CCDC50: variants seen among roughly 807,000 people sequenced by gnomAD.
CCDC50 encodes the protein coiled-coil domain containing 50.
Under a neutral mutation model 70.2 loss-of-function variants are expected in CCDC50, and 54 were observed. The observed-to-expected ratio is 0.77, with a 90% CI of 0.62 to 0.96. The LOEUF is 0.96. Ranked by LOEUF, CCDC50 falls within the 50% of genes least tolerant of loss-of-function variation. The probability of loss-of-function intolerance (pLI) is 0.00; values close to 1 mark genes in which losing one functional copy is unlikely to be tolerated. For missense variants in CCDC50, 558 were observed against 578.7 expected (o/e 0.96, Z 0.37); for synonymous variants, 216 against 198.8 (o/e 1.09, Z -0.73).
At chr3:191,360,863 G>A (rs958391243) in intron 3 of CCDC50, among the ~76,000 whole-genome samples, 1 of 152,132 alleles carries the variant, frequency 6.6e-6, no homozygotes, top group African/African-American at 2.4e-5. Context: ...TTGTGATCTT[G>A]AGAAAATGAT....
intron 6 of CCDC50, 103 bp downstream of exon 6, chr3:191,375,692 A>G (rs993423709): frequency 5.8e-6 from 7 of 1,197,490 alleles, no homozygotes; most frequent in African/African-American, 3.1e-5. Flanking sequence ...TCTCTAGTTC[A>G]TGCTCATGAC....
intron 1 of CCDC50, among the ~76,000 whole-genome samples, chr3:191,340,313 A>G (rs1019730509): frequency 1.3e-5 from 2 of 152,206 alleles, no homozygotes; most frequent in African/African-American, 4.8e-5. Flanking sequence ...ATATACTATC[A>G]TAAAGTCCTT....
rs562513795 is a variant in CCDC50 at position 191,380,658 on chromosome 3, T to C, written c.1093-29T>C. On this transcript the variant is annotated intron_variant, in intron 7 of 11. Transcript: ENST00000392455. ...TGCACAACATAGATTCCAATTAAAT[T>C]CTTTGTTTTTGTATTTTCGATATCA... is the stretch of plus-strand genomic sequence containing the variant. The C allele has an allele frequency of 3.7e-6, 6 of 1,603,260 alleles. No individual in the cohort carries two copies. The African/African-American group carries it at 8.0e-5, about 21-fold the overall frequency.
intron 9 of CCDC50, among the ~76,000 whole-genome samples, chr3:191,382,409 G>T (rs935789997): frequency 1.3e-5 from 2 of 152,128 alleles, no homozygotes; most frequent in Non-Finnish European, 2.9e-5. Flanking sequence ...TAGCTATTAT[G>T]TTAATAATCA....
chr3:191,343,487 T>A (rs1711804776), intron 1 of CCDC50, among the ~76,000 whole-genome samples: 2 of 152,248 alleles, frequency 1.3e-5, no homozygotes, highest in Admixed American at 6.5e-5. Flanking sequence ...TATGTTTAAT[T>A]ACGAAATTTT....
At chr3:191,334,679 C>G (rs942845761) in intron 1 of CCDC50, among the ~76,000 whole-genome samples, 2 of 152,196 alleles carry the variant, frequency 1.3e-5, no homozygotes, top group African/African-American at 4.8e-5. Flanking sequence ...TTTTACCTAC[C>G]TTCTCTTTTC....
Position 191,380,847 on chromosome 3 carries a change from T to A in CCDC50, c.1157T>A (p.Met386Lys), listed in dbSNP as rs775687066. The change falls in exon 9 of 12, where the codon ATG (methionine) becomes AAG (lysine). Residue 386 changes from methionine to lysine, a missense_variant. Coordinates refer to ENST00000392455, the MANE Select transcript of CCDC50 (RefSeq NM_178335.3). ...GTTTAGGAAATCGCTCGACTTCTAATGGCTGAAGAAAAGAAAGCTTACAAA... is the reference window on the plus strand; with the variant it reads ...GTTTAGGAAATCGCTCGACTTCTAAAGGCTGAAGAAAAGAAAGCTTACAAA... ...AQDEEIARLL[M>K]AEEKKAYKKA... The A allele has an allele frequency of 1.4e-5, 23 of 1,612,814 alleles. No individual in the cohort carries two copies. The highest frequency in any genetic ancestry group is 2.0e-5 in the Non-Finnish European group (23 of 1,179,240).
rs532273999 is a variant in CCDC50 at position 191,368,633 on chromosome 3, C to T, written c.331-1286C>T. The stretch of plus-strand genomic sequence containing the variant: ...GCCATCTGAGGGTATTCTTCATTCG[C>T]ACCTATTCATAAAATTTGAAGAATA... On this transcript the variant is annotated intron_variant, in intron 4 of 11. Coordinates refer to ENST00000392455, the MANE Select transcript of CCDC50 (RefSeq NM_178335.3). Among the ~76,000 whole-genome samples the T allele has an allele frequency of 8.2e-4, 124 of 152,094 alleles. 1 individual carries two copies. The East Asian group carries it at 0.021, about 26-fold the overall frequency.
chr3:191,391,069 T>A (rs1560174210), intron 11 of CCDC50, among the ~76,000 whole-genome samples: 1 of 152,178 alleles, frequency 6.6e-6, no homozygotes, highest in African/African-American at 2.4e-5. Flanking sequence ...TCATAAAAGA[T>A]TAAATATGTG....
intron 10 of CCDC50, among the ~76,000 whole-genome samples, chr3:191,385,659 A>G (rs533764220): frequency 1.2e-3 from 168 of 146,036 alleles, no homozygotes; most frequent in African/African-American, 4.0e-3. Flanking sequence ...ATTAAGTCCT[A>G]TTTGTCTGTT....
At chr3:191,341,835 C>T (rs573960137) in intron 1 of CCDC50, among the ~76,000 whole-genome samples, 4 of 152,308 alleles carry the variant, frequency 2.6e-5, no homozygotes, top group African/African-American at 7.2e-5. Context: ...ATTTTCTGGA[C>T]GTACTTTGAA....
At chr3:191,380,365 T>A in intron 7 of CCDC50, 91 bp downstream of exon 7, 1 of 836,030 alleles carries the variant, frequency 1.2e-6, no homozygotes. Flanking sequence ...AATAGTCCTC[T>A]ATCAATTGAG....
intron 5 of CCDC50, among the ~76,000 whole-genome samples, chr3:191,370,677 C>G (rs1315072152): frequency 1.3e-5 from 2 of 151,554 alleles, no homozygotes; most frequent in East Asian, 3.9e-4. Flanking sequence ...TTAGTAGAGG[C>G]GAGGTTTCAC....
intron 7 of CCDC50, 97 bp downstream of exon 7, chr3:191,380,371 T>C: frequency 1.2e-6 from 1 of 808,626 alleles, no homozygotes; most frequent in African/African-American, 1.7e-5. Context: ...CCTCTATCAA[T>C]TGAGAAACCT....
At chr3:191,361,617 T>G (rs531171155) in intron 4 of CCDC50, among the ~76,000 whole-genome samples, 1 of 152,330 alleles carries the variant, frequency 6.6e-6, no homozygotes, top group Non-Finnish European at 1.5e-5. Context: ...GTCACATGGC[T>G]TTATTCTCTG....
At position 191,398,460 on chromosome 3, in the gene CCDC50, GTTTCT is replaced by G; in HGVS notation, c.*6703_*6707del. 1 of 151,892 alleles carries G rather than the reference GTTTCT, an allele frequency of 6.6e-6. No individual in the cohort carries two copies. The highest frequency in any genetic ancestry group is 2.4e-5 in the African/African-American group (1 of 41,326). 9.4% of individuals were successfully genotyped at this position (151,892 alleles called of 1,614,324 possible). On this transcript the variant is annotated 3_prime_UTR_variant, in exon 12 of 12. Coordinates refer to ENST00000392455, the MANE Select transcript of CCDC50 (RefSeq NM_178335.3). ...GGTCTCTGTCTCATGTTTTTGTTTT[GTTTCT>G]TTACAGCATTCAAGGACAGGGAAAC...
At chr3:191,389,936 C>T (rs984810247) in intron 11 of CCDC50, among the ~76,000 whole-genome samples, 1 of 137,040 alleles carries the variant, frequency 7.3e-6, no homozygotes, top group Non-Finnish European at 1.5e-5. Context: ...TCTTGGCTCT[C>T]TACAGCCTCC....
chr3:191,365,439 T>C lies in CCDC50; in HGVS notation c.330+4280T>C, dbSNP rs983051104. ...CATTTAGCTATTAAAAATTTTCCTG[T>C]GTTTTAAGTATTATAAATATGACTA... On this transcript the variant is annotated intron_variant, in intron 4 of 11. Transcript: ENST00000392455. Among the ~76,000 whole-genome samples, 3 of 152,132 alleles carry C rather than the reference T, an allele frequency of 2.0e-5. No individual in the cohort carries two copies. In the South Asian group the frequency reaches 6.2e-4, roughly 31 times the overall value.
In CCDC50 at chr3:191,375,405, T is replaced by C. The variant is rs1713069856; in HGVS notation, c.792T>C (p.Asn264=). Residue 264 remains asparagine (N), a synonymous_variant, in exon 6 of 12, where the codon AAT becomes AAC. Coordinates refer to ENST00000392455, the MANE Select transcript of CCDC50 (RefSeq NM_178335.3). ...WETKINHQTR[N]WEKQSRHQDR... ...CTAAGATTAACCATCAGACTCGAAA[T>C]TGGGAAAAACAGTCTCGACACCAAG... The C allele has an allele frequency of 2.5e-6, 4 of 1,613,520 alleles. No individual in the cohort carries two copies. Among genetic ancestry groups the C allele is most frequent in the South Asian group, 1.1e-5 (1 of 91,056 alleles).
Sources: allele counts gnomAD v4.1 joint callset (sites outside exome capture counted in the v4.1 genomes callset), GRCh38; gene constraint gnomAD v4.1.1; transcripts MANE v1.5; gene names NCBI Gene and HGNC (gene_info 2026-07-23, HGNC 2026-07-21).